WSCD2: variants seen among roughly 807,000 people sequenced by gnomAD.
The protein encoded by WSCD2 is WSC domain sialate O sulfotransferase 2.
WSCD2 carries 28 observed loss-of-function variants against 55.7 expected under a neutral mutation model. The ratio of observed to expected loss-of-function variants is 0.50; its 90% CI spans 0.37 to 0.69. WSCD2 has a LOEUF of 0.69. Among genes scored for constraint, WSCD2 ranks in the 30% least tolerant of loss-of-function variants. WSCD2 has a pLI of 0.00. For missense variants in WSCD2, 616 were observed against 762.1 expected, an observed-to-expected ratio of 0.81 and a Z score of 2.26; for synonymous variants, 301 against 301.9, an observed-to-expected ratio of 1.00 and a Z score of 0.03.
chr12:108,171,400 C>T (rs558200125), intron 1 of WSCD2, among the ~76,000 whole-genome samples: 26 of 152,206 alleles, frequency 1.7e-4, no homozygotes, highest in Non-Finnish European at 2.5e-4. Flanking sequence ...CCACTGGCCA[C>T]GTATGGCTAT....
At chr12:108,240,810 T>G (rs1889683321) in intron 8 of WSCD2, among the ~76,000 whole-genome samples, 2 of 152,204 alleles carry the variant, frequency 1.3e-5, no homozygotes, top group South Asian at 4.1e-4. Flanking sequence ...ATCATGGGCT[T>G]GGGAGAAAGA....
intron 6 of WSCD2, among the ~76,000 whole-genome samples, chr12:108,231,493 G>A (rs1310976671): frequency 6.6e-6 from 1 of 152,162 alleles, no homozygotes; most frequent in Non-Finnish European, 1.5e-5. Flanking sequence ...ATATCCAAAT[G>A]GTACTCACCA....
At chr12:108,133,898 C>T (rs1353909529) in intron 1 of WSCD2, among the ~76,000 whole-genome samples, 2 of 152,230 alleles carry the variant, frequency 1.3e-5, no homozygotes, top group African/African-American at 4.8e-5. Context: ...ATGTGCTGAA[C>T]ATCTCGACAG....
intron 1 of WSCD2, among the ~76,000 whole-genome samples, chr12:108,163,062 G>T (rs1295827837): frequency 1.3e-5 from 2 of 152,292 alleles, no homozygotes; most frequent in South Asian, 4.2e-4. Context: ...TGGACATGAA[G>T]CTAATAAGTG....
At chr12:108,158,387 G>A (rs1053463159) in intron 1 of WSCD2, among the ~76,000 whole-genome samples, 2 of 149,818 alleles carry the variant, frequency 1.3e-5, no homozygotes, top group African/African-American at 4.9e-5. Flanking sequence ...AAGAGCCTGA[G>A]GCTCTAAGCA....
At chr12:108,190,288 A>G (rs1032567523) in intron 1 of WSCD2, among the ~76,000 whole-genome samples, 1 of 152,108 alleles carries the variant, frequency 6.6e-6, no homozygotes, top group African/African-American at 2.4e-5. Context: ...AACTTCCCAG[A>G]TGGGTCTCCT....
intron 1 of WSCD2, among the ~76,000 whole-genome samples, chr12:108,187,449 G>T (rs1479171750): frequency 6.6e-6 from 1 of 152,238 alleles, no homozygotes; most frequent in African/African-American, 2.4e-5. Context: ...GACAGGTTTA[G>T]CATACGGTTA....
intron 1 of WSCD2, among the ~76,000 whole-genome samples, chr12:108,169,446 T>C (rs1408559825): frequency 3.3e-5 from 5 of 152,024 alleles, no homozygotes; most frequent in African/African-American, 1.2e-4. Flanking sequence ...AGCACAGAAT[T>C]GCAAAATTAG....
At chr12:108,213,144 G>A (rs1886427325) in intron 4 of WSCD2, among the ~76,000 whole-genome samples, 1 of 152,212 alleles carries the variant, frequency 6.6e-6, no homozygotes, top group South Asian at 2.1e-4. Flanking sequence ...GAGAGGCTCA[G>A]TGGTCAGTAA....
intron 4 of WSCD2, among the ~76,000 whole-genome samples, chr12:108,217,950 C>T (rs1887044434): frequency 3.0e-5 from 2 of 66,742 alleles, no homozygotes; most frequent in South Asian, 9.4e-4. Flanking sequence ...CCTTCCTCTT[C>T]CTACTCTGGC....
intron 8 of WSCD2, among the ~76,000 whole-genome samples, chr12:108,243,196 T>C (rs1889880804): frequency 6.6e-6 from 1 of 152,270 alleles, no homozygotes; most frequent in African/African-American, 2.4e-5. Flanking sequence ...TCAGAAATTC[T>C]GGGAGTGGGG....
rs1481920544 is a variant in WSCD2, at chr12:108,129,645, C to G, written c.-833C>G. ...CCTCCTCGTCCCCGGCCACCGCTGTCGCCGCTGCTGCAATTCAAGGCGCAC... is the reference window on the plus strand; with the variant it reads ...CCTCCTCGTCCCCGGCCACCGCTGTGGCCGCTGCTGCAATTCAAGGCGCAC... On this transcript the variant is annotated 5_prime_UTR_variant, in exon 1 of 9. Transcript: ENST00000547525. 2 of 152,444 alleles carry G rather than the reference C, an allele frequency of 1.3e-5. No homozygotes were observed. Among genetic ancestry groups the G allele is most frequent in the Admixed American group, 1.3e-4 (2 of 15,292 alleles). 9.4% of individuals were successfully genotyped at this position (152,444 alleles called of 1,614,324 possible).
chr12:108,176,414 T>C (rs1880876546), intron 1 of WSCD2, among the ~76,000 whole-genome samples: 1 of 152,224 alleles, frequency 6.6e-6, no homozygotes, highest in Non-Finnish European at 1.5e-5. Flanking sequence ...GGAATCATAA[T>C]AGCCTTTGAG....
chr12:108,196,510 G>T, intron 2 of WSCD2: 1 of 341,064 alleles, frequency 2.9e-6, no homozygotes, highest in Non-Finnish European at 5.3e-6. Flanking sequence ...TACAGTCCTT[G>T]TTAAATATAC....
At chr12:108,170,588 T>C (rs1880134280) in intron 1 of WSCD2, among the ~76,000 whole-genome samples, 1 of 152,206 alleles carries the variant, frequency 6.6e-6, no homozygotes, top group Admixed American at 6.5e-5. Context: ...GCTAGTTGTA[T>C]GCGGCTGGGC....
chr12:108,227,055 G>A lies in WSCD2; in HGVS notation c.870G>A (p.Pro290=), dbSNP rs758784026. The A allele has an allele frequency of 3.0e-5, 49 of 1,614,174 alleles. No homozygotes were observed. The highest frequency in any genetic ancestry group is 3.7e-5 in the Non-Finnish European group (44 of 1,180,024). ...GTGGGTTTCCCACCACCCGATTCCCGCTCCATGACAGAGAGGATGAGCAGC... is the reference window on the plus strand; with the variant it reads ...GTGGGTTTCCCACCACCCGATTCCCACTCCATGACAGAGAGGATGAGCAGC... ...CHCGFPTTRF[P]LHDREDEQLC... is the part of the protein sequence containing the mutation. Residue 290 remains proline, a synonymous_variant, in exon 6 of 9, where the codon CCG becomes CCA. Transcript: ENST00000547525.
chr12:108,247,738 G>A (rs2137254658), intron 8 of WSCD2, among the ~76,000 whole-genome samples: 1 of 152,208 alleles, frequency 6.6e-6, no homozygotes, highest in Non-Finnish European at 1.5e-5. Context: ...TTTATTTTTT[G>A]TAGAGACAGG....
intron 1 of WSCD2, among the ~76,000 whole-genome samples, chr12:108,141,211 C>T (rs1592872235): frequency 6.6e-6 from 1 of 152,208 alleles, no homozygotes; most frequent in Admixed American, 6.5e-5. Context: ...AGTGCCATCA[C>T]ACCCAGCTAG....
rs778191837 is a variant in WSCD2 at position 108,248,192 on chromosome 12, G to A, written c.1547G>A (p.Gly516Asp). The part of the protein sequence containing the change: ...RLLCVESQKD[G>D]NFKRSGLRKL... ...CTCTGTGTGGAGAGCCAGAAGGATG[G>A]CAACTTCAAGCGCTCAGGGCTCCGG... is the stretch of plus-strand genomic sequence containing the variant. Residue 516 changes from glycine to aspartate, a missense_variant, in exon 9 of 9, where the codon GGC (glycine) becomes GAC (aspartate). By Grantham distance (94) the Gly-to-Asp change is moderately conservative. Around this residue, in one of 3 missense-constraint regions of WSCD2, gnomAD observed 234 missense variants for 264.6 expected, o/e 0.88. Transcript: ENST00000547525. The surrounding 1 kb of genome is among the most constrained non-coding windows in gnomAD (Gnocchi z 4.3). The A allele has an allele frequency of 6.2e-7, 1 of 1,614,186 alleles. No homozygotes were observed. The highest frequency in any genetic ancestry group is 8.5e-7 in the Non-Finnish European group (1 of 1,180,040).
Sources: gnomAD v4.1 joint callset for allele counts (sites outside exome capture counted in the v4.1 genomes callset) on GRCh38, gnomAD v4.1.1 for gene constraint, gnomAD v4.1.1 regional missense constraint, Gnocchi (gnomAD v3.1) non-coding constraint, MANE v1.5 for transcripts, NCBI Gene and HGNC (gene_info 2026-07-23, HGNC 2026-07-21) for gene names.